SKIL: variants seen among roughly 807,000 people sequenced by gnomAD.
SKIL encodes the protein ski-like protein.
In SKIL, 20 loss-of-function variants were observed where a neutral mutation model predicts 69.6. The observed-to-expected ratio is 0.29, with a 90% CI of 0.20 to 0.42. The LOEUF (loss-of-function observed/expected upper bound fraction) is 0.42, where lower values mean the gene tolerates loss of function less well. Ranked by LOEUF, SKIL falls within the 10% of genes least tolerant of loss-of-function variation. The pLI is 1.00. For missense variants in SKIL, 745 were observed against 783.1 expected (o/e 0.95, Z 0.58); for synonymous variants, 310 against 279.9 (o/e 1.11, Z -1.08).
chr3:170,390,525 C>A (rs542664042), intron 5 of SKIL, 61 bp downstream of exon 5: 4 of 1,402,848 alleles, frequency 2.9e-6, no homozygotes, highest in African/African-American at 1.4e-5. Context: ...ATTGCTCTGT[C>A]GCCCAGGCTG....
At chr3:170,387,788 G>T in intron 4 of SKIL, among the ~76,000 whole-genome samples, 1 of 82,832 alleles carries the variant, frequency 1.2e-5, no homozygotes, top group Non-Finnish European at 2.8e-5. Flanking sequence ...AAAAAAATTA[G>T]CCGGGCGTAG....
In SKIL at chr3:170,392,545, C is replaced by T; in HGVS notation, c.*128C>T. On this transcript the variant is annotated 3_prime_UTR_variant, in exon 7 of 7. Coordinates refer to ENST00000259119, the MANE Select transcript of SKIL (RefSeq NM_005414.5). The stretch of plus-strand genomic sequence containing the variant: ...CTAGGCATTCTATCCATTTGTAGAT[C>T]AGAGAAAGTGAAGAGATTATATATT... The T allele has an allele frequency of 1.9e-6, 1 of 528,352 alleles. No homozygotes were observed. 32.7% of individuals were successfully genotyped at this position (528,352 alleles called of 1,614,324 possible).
intron 2 of SKIL, among the ~76,000 whole-genome samples, chr3:170,377,300 C>T (rs1031925386): frequency 6.6e-6 from 1 of 150,400 alleles, no homozygotes; most frequent in Non-Finnish European, 1.5e-5. Context: ...TGCAGTGGAG[C>T]GATCTCAGCT....
In SKIL at chr3:170,390,323, T is replaced by A. The variant is rs1235085827; in HGVS notation, c.1530T>A (p.Ala510=). 6.2e-7 allele frequency: 1 copy of A among 1,614,166 alleles called. No homozygotes were observed. ...ACAAAGTGGGAATTGGCCTTGTTGC[T>A]GCCGCTTCATCTCCGCTTCTTGTGA... The part of the protein sequence containing the change: ...DINKVGIGLV[A]AASSPLLVKD... Residue 510 remains alanine, a synonymous_variant, in exon 5 of 7, where the codon GCT becomes GCA. Transcript: ENST00000259119.
intron 4 of SKIL, among the ~76,000 whole-genome samples, chr3:170,386,028 G>A (rs1254676393): frequency 6.6e-6 from 1 of 151,870 alleles, no homozygotes; most frequent in African/African-American, 2.4e-5. Context: ...CTGACCTCAG[G>A]TGATCCGCCT....
chr3:170,377,612 G>A (rs532959203), intron 2 of SKIL, among the ~76,000 whole-genome samples: 11 of 127,692 alleles, frequency 8.6e-5, no homozygotes, highest in African/African-American at 1.5e-4. Context: ...GCAGTGGCAC[G>A]ATCTCGGCTC....
intron 2 of SKIL, among the ~76,000 whole-genome samples, chr3:170,362,970 C>T (rs183141261): frequency 1.5e-4 from 22 of 151,172 alleles, no homozygotes; most frequent in South Asian, 6.3e-4. Flanking sequence ...GTTTCTTGAT[C>T]GGGTTGTTTT....
At chr3:170,386,043 C>T (rs1479292398) in intron 4 of SKIL, among the ~76,000 whole-genome samples, 38 of 151,728 alleles carry the variant, frequency 2.5e-4, no homozygotes, top group Admixed American at 1.6e-3. Flanking sequence ...CCGCCTGCCT[C>T]GGCCTCCCAA....
intron 2 of SKIL, among the ~76,000 whole-genome samples, chr3:170,378,549 C>CTTTT (rs1334169886): frequency 5.4e-5 from 3 of 55,516 alleles, no homozygotes; most frequent in Non-Finnish European, 9.4e-5. Context: ...CTCTCTCTCT[C>CTTTT]TCTCTTTTTT....
chr3:170,367,400 T>G (rs1736584076), intron 2 of SKIL, among the ~76,000 whole-genome samples: 2 of 147,086 alleles, frequency 1.4e-5, no homozygotes, highest in Admixed American at 1.4e-4. Flanking sequence ...CCTGGCCGAT[T>G]CTTCCCTATT....
intron 2 of SKIL, among the ~76,000 whole-genome samples, chr3:170,363,640 C>T (rs1371265447): frequency 6.6e-6 from 1 of 151,988 alleles, no homozygotes; most frequent in Non-Finnish European, 1.5e-5. Flanking sequence ...CATCAGCCAC[C>T]ACACCCTTTA....
At chr3:170,376,222 T>C (rs896823130) in intron 2 of SKIL, among the ~76,000 whole-genome samples, 6 of 151,642 alleles carry the variant, frequency 4.0e-5, no homozygotes, top group African/African-American at 1.5e-4. Context: ...TAATTTTTTT[T>C]TTCTTATTAG....
rs566428088 is a variant in SKIL, at chr3:170,361,857, T to A, written c.1098+428T>A. ...ACCTTGGCCTCCCAAAGGGCTGGGA[T>A]TACATCCTTGAGCCCCTGTGTCCAG... On this transcript the variant is annotated intron_variant, in intron 2 of 6. Coordinates refer to ENST00000259119, the MANE Select transcript of SKIL (RefSeq NM_005414.5). Among the ~76,000 whole-genome samples the A allele has an allele frequency of 2.8e-3, 421 of 152,118 alleles. 1 individual carries two copies. Among genetic ancestry groups the A allele is most frequent in the African/African-American group, 0.01 (415 of 41,498 alleles).
Position 170,393,306 on chromosome 3 carries a change from T to C in SKIL, c.*889T>C, listed in dbSNP as rs1560224121. Reference sequence around the variant, plus strand: ...TAGTTATGAGTCTTACTAAAATTTATATAATGGACTTGTTTTCCTTTAAGT... The same window carrying C: ...TAGTTATGAGTCTTACTAAAATTTACATAATGGACTTGTTTTCCTTTAAGT... On this transcript the variant is annotated 3_prime_UTR_variant, in exon 7 of 7. Coordinates refer to ENST00000259119, the MANE Select transcript of SKIL (RefSeq NM_005414.5). 1.3e-5 allele frequency: 2 copies of C among 152,190 alleles called. No individual in the cohort carries two copies. The highest frequency in any genetic ancestry group is 4.8e-5 in the African/African-American group (2 of 41,456). 9.4% of individuals were successfully genotyped at this position (152,190 alleles called of 1,614,324 possible).
intron 2 of SKIL, among the ~76,000 whole-genome samples, chr3:170,377,898 C>A (rs1197929777): frequency 1.4e-5 from 2 of 143,348 alleles, no homozygotes; most frequent in Non-Finnish European, 3.1e-5. Context: ...ATATTTTTTT[C>A]TTTTTTTATT....
At position 170,386,123 on chromosome 3, in the gene SKIL, T is replaced by TTTTG. The variant is rs555679590; in HGVS notation, c.1429+1379_1429+1382dup. On this transcript the variant is annotated intron_variant, in intron 4 of 6. Transcript: ENST00000259119. ...TTCTTGGGTGGGGGTTTTCTGGTTT[T>TTTTG]TTTGTTTGTTTGTTTGTTTGTTTGG... 4.5e-3 allele frequency among the ~76,000 whole-genome samples: 666 copies of TTTTG among 149,354 alleles called. 12 individuals are homozygous for TTTTG. Among genetic ancestry groups the TTTTG allele is most frequent in the Admixed American group, 0.025 (380 of 14,960 alleles).
chr3:170,386,565 G>T (rs1737644357), intron 4 of SKIL, among the ~76,000 whole-genome samples: 1 of 152,050 alleles, frequency 6.6e-6, no homozygotes, highest in Non-Finnish European at 1.5e-5. Context: ...AAATTGCTGG[G>T]CTCATAGTCC....
rs1738151121 is a variant in SKIL, at chr3:170,395,676, A to G, written c.*3259A>G. On this transcript the variant is annotated 3_prime_UTR_variant, in exon 7 of 7. Transcript: ENST00000259119. ...TGAAGGATTTTAATCAGCTTCTAAAATTTTCTTCTCAATAAGGCATATGTT... is the reference window on the plus strand; with the variant it reads ...TGAAGGATTTTAATCAGCTTCTAAAGTTTTCTTCTCAATAAGGCATATGTT... 1 of 152,066 alleles carries G rather than the reference A, an allele frequency of 6.6e-6. No individual in the cohort carries two copies. Among genetic ancestry groups the G allele is most frequent in the East Asian group, 1.9e-4 (1 of 5,198 alleles). 9.4% of individuals were successfully genotyped at this position (152,066 alleles called of 1,614,324 possible).
At chr3:170,377,230 C>T (rs1041120708) in intron 2 of SKIL, among the ~76,000 whole-genome samples, 6 of 151,314 alleles carry the variant, frequency 4.0e-5, no homozygotes, top group Admixed American at 1.3e-4. Flanking sequence ...TGTGATGTTT[C>T]GTTTTCTGTT....
Sources: allele counts gnomAD v4.1 joint callset (sites outside exome capture counted in the v4.1 genomes callset), GRCh38; gene constraint gnomAD v4.1.1; transcripts MANE v1.5; gene names NCBI Gene and HGNC (gene_info 2026-07-23, HGNC 2026-07-21).